SMOC2: variants seen among roughly 807,000 people sequenced by gnomAD.
SMOC2 encodes the protein SPARC related modular calcium binding 2, also known as SPARC-related modular calcium-binding protein 2.
Under a neutral mutation model 61.4 loss-of-function variants are expected in SMOC2, and 39 were observed. The ratio of observed to expected loss-of-function variants is 0.64; its 90% CI spans 0.49 to 0.83. The LOEUF (loss-of-function observed/expected upper bound fraction) is 0.83, where lower values mean the gene tolerates loss of function less well. SMOC2 is among the 40% of genes least tolerant of loss of function. The pLI, the probability that SMOC2 is intolerant of heterozygous loss-of-function variation, is 0.00. For synonymous variants in SMOC2, 247 were observed against 239.9 expected, an observed-to-expected ratio of 1.03 and a Z score of -0.27; for missense variants, 556 against 592.9, an observed-to-expected ratio of 0.94 and a Z score of 0.65.
chr6:168,558,744 T>C lies in SMOC2; in HGVS notation c.637+9541T>C, dbSNP rs114197933. On this transcript the variant is annotated intron_variant, in intron 7 of 12. Transcript: ENST00000356284. The stretch of plus-strand genomic sequence containing the variant: ...CAGGGCATCTCTTGAGGCTCTTCCC[T>C]GAATGTGTGTGTGTTTGTGCATGTG... 6.6e-3 allele frequency among the ~76,000 whole-genome samples: 998 copies of C among 152,308 alleles called. 17 individuals carry two copies. Among genetic ancestry groups the C allele is most frequent in the African/African-American group, 0.023 (955 of 41,574 alleles).
At chr6:168,637,214 G>A (rs879259985) in intron 9 of SMOC2, among the ~76,000 whole-genome samples, 1 of 152,158 alleles carries the variant, frequency 6.6e-6, no homozygotes, top group Non-Finnish European at 1.5e-5. Flanking sequence ...GAAAAAGAAA[G>A]TGTGAATGAA....
At chr6:168,540,657 C>G (rs1219890671) in intron 4 of SMOC2, among the ~76,000 whole-genome samples, 3 of 152,146 alleles carry the variant, frequency 2.0e-5, no homozygotes, top group Non-Finnish European at 4.4e-5. Flanking sequence ...CTGTCACCCT[C>G]ATGTTGTCCT....
intron 7 of SMOC2, among the ~76,000 whole-genome samples, chr6:168,597,363 C>G (rs972635456): frequency 7.9e-5 from 12 of 152,314 alleles, no homozygotes; most frequent in Non-Finnish European, 1.3e-4. Flanking sequence ...TATTTATTAT[C>G]TCAAAAGAAA....
intron 1 of SMOC2, 93 bp downstream of exon 1, chr6:168,441,547 CGCCTGGGCACGGGGAGCAGGT>C (rs1394414988): frequency 1.3e-5 from 17 of 1,356,440 alleles, no homozygotes; most frequent in African/African-American, 4.6e-5. Context: ...CAGGCCCAGG[CGCCTGGGCACGGGGAGCAGGT>C]GGCCCCGGGG....
intron 12 of SMOC2, chr6:168,664,641 C>T (rs1018757481): frequency 1.1e-5 from 5 of 454,182 alleles, no homozygotes; most frequent in African/African-American, 2.0e-5. Context: ...CCCAGCAAGA[C>T]AAGTGTTGGG....
intron 2 of SMOC2, among the ~76,000 whole-genome samples, chr6:168,521,621 G>A (rs980095084): frequency 6.6e-6 from 1 of 152,216 alleles, no homozygotes; most frequent in African/African-American, 2.4e-5. Flanking sequence ...AGGCGTGGGG[G>A]CTCATGCCTG....
chr6:168,441,295 G>T lies in SMOC2; in HGVS notation c.-76G>T. On this transcript the variant is annotated 5_prime_UTR_variant, in exon 1 of 13. Transcript: ENST00000356284. ...TCCACGCGCCCGCCCAGCCGCGCTC[G>T]CCCACTGGGCTCTCCCGGCTGCAGT... 1 of 1,437,752 alleles carries T rather than the reference G, an allele frequency of 7.0e-7. No homozygotes were observed. The highest frequency in any genetic ancestry group is 2.5e-4 in the Middle Eastern group (1 of 4,060). 89.1% of individuals were successfully genotyped at this position (1,437,752 alleles called of 1,614,324 possible).
chr6:168,571,874 TCCCCGGGTG>T (rs1784676238), intron 7 of SMOC2, among the ~76,000 whole-genome samples: 1 of 123,764 alleles, frequency 8.1e-6, no homozygotes, highest in Non-Finnish European at 1.7e-5. Flanking sequence ...CCTCCCCGCA[TCCCCGGGTG>T]CGGGGACCAG....
chr6:168,639,881 A>T (rs1786847923), intron 9 of SMOC2, among the ~76,000 whole-genome samples: 1 of 152,194 alleles, frequency 6.6e-6, no homozygotes, highest in East Asian at 1.9e-4. Context: ...TGACCCCGGG[A>T]TGCTAGAATG....
intron 1 of SMOC2, among the ~76,000 whole-genome samples, chr6:168,490,030 G>C (rs560515204): frequency 6.6e-5 from 10 of 151,712 alleles, no homozygotes; most frequent in Non-Finnish European, 1.3e-4. Context: ...GTTTTAGAGG[G>C]AAATATGTCG....
intron 12 of SMOC2, among the ~76,000 whole-genome samples, chr6:168,665,762 A>G (rs1018769907): frequency 1.3e-5 from 2 of 152,250 alleles, no homozygotes. Flanking sequence ...TCACCTCTTC[A>G]GATCTTTATC....
intron 9 of SMOC2, among the ~76,000 whole-genome samples, chr6:168,614,469 ACACCTACAGCCAGCACAGG>A (rs1785995130): frequency 1.9e-5 from 1 of 53,750 alleles, no homozygotes. Flanking sequence ...GAGCCTCTTC[ACACCTACAGCCAGCACAGG>A]GCCTCTTCAC....
intron 1 of SMOC2, among the ~76,000 whole-genome samples, chr6:168,474,847 C>T (rs576192537): frequency 3.3e-5 from 5 of 152,220 alleles, no homozygotes; most frequent in Admixed American, 1.3e-4. Flanking sequence ...TATATTACTC[C>T]GTATTTGGAT....
intron 1 of SMOC2, among the ~76,000 whole-genome samples, chr6:168,467,278 T>C (rs370213313): frequency 3.3e-5 from 5 of 149,738 alleles, no homozygotes; most frequent in Admixed American, 2.0e-4. Context: ...GGCTCAACAC[T>C]TGGGGGACAT....
intron 1 of SMOC2, among the ~76,000 whole-genome samples, chr6:168,499,241 C>T (rs549238595): frequency 5.9e-5 from 9 of 152,366 alleles, no homozygotes; most frequent in African/African-American, 2.2e-4. Flanking sequence ...GGAGACGGTG[C>T]TGCATGCTGC....
At chr6:168,613,698 C>T (rs1446857785) in intron 9 of SMOC2, among the ~76,000 whole-genome samples, 1 of 131,192 alleles carries the variant, frequency 7.6e-6, no homozygotes, top group Admixed American at 7.5e-5. Flanking sequence ...CCTCTTCACA[C>T]CTACAGCCAG....
intron 1 of SMOC2, among the ~76,000 whole-genome samples, chr6:168,501,669 C>T (rs539632428): frequency 6.6e-6 from 1 of 152,344 alleles, no homozygotes; most frequent in South Asian, 2.1e-4. Context: ...CACTAAAAAA[C>T]AATAAAGGCA....
Position 168,598,981 on chromosome 6 carries a change from C to T in SMOC2, c.801C>T (p.Arg267=), listed in dbSNP as rs770257952. The change falls in exon 8 of 13, where the codon CGC becomes CGT. Residue 267 remains arginine, a synonymous_variant. Coordinates refer to ENST00000356284, the MANE Select transcript of SMOC2 (RefSeq NM_001166412.2). ...GGTGCGTCCTGGTGGACACGGGGCG[C>T]CCCATTCCCGGCACATCCACAAGGT... The part of the protein sequence containing the change: ...YCWCVLVDTG[R]PIPGTSTRYE... The T allele has an allele frequency of 3.1e-6, 5 of 1,609,598 alleles. No individual in the cohort carries two copies. In the South Asian group the frequency reaches 4.4e-5, roughly 14 times the overall value.
intron 1 of SMOC2, among the ~76,000 whole-genome samples, chr6:168,458,282 C>T (rs1184604552): frequency 6.6e-6 from 1 of 151,036 alleles, no homozygotes; most frequent in Non-Finnish European, 1.5e-5. Context: ...CCCTGGGGGT[C>T]CTGGGAGGGA....
Sources: allele counts gnomAD v4.1 joint callset (sites outside exome capture counted in the v4.1 genomes callset), GRCh38; gene constraint gnomAD v4.1.1; transcripts MANE v1.5; gene names NCBI Gene and HGNC (gene_info 2026-07-23, HGNC 2026-07-21).